Variants in NEK5 observed in about 807,000 individuals in gnomAD.
NEK5 encodes the protein NIMA related kinase 5.
A neutral mutation model predicts 109.2 loss-of-function variants in NEK5; 88 were observed. The observed-to-expected ratio is 0.81, with a 90% CI of 0.68 to 0.96. The LOEUF (loss-of-function observed/expected upper bound fraction) is 0.96. Ranked by LOEUF, NEK5 falls within the 40% of genes least tolerant of loss-of-function variation. The pLI is 0.00. For missense variants in NEK5, 834 were observed against 920.7 expected, an observed-to-expected ratio of 0.91 and a Z score of 1.22; for synonymous variants, 283 against 299.9, an observed-to-expected ratio of 0.94 and a Z score of 0.58.
Position 52,102,133 on chromosome 13 carries a change from G to T in NEK5, c.769C>A (p.Pro257Thr). 2.5e-6 allele frequency: 4 copies of T among 1,613,954 alleles called. No homozygotes were observed. The highest frequency in any genetic ancestry group is 1.1e-5 in the South Asian group (1 of 91,078). ...TTGGGAATAAGATTCTCTAAAAAGGGCCTTTTCAAAATGGAATTTATGGAT... is the reference window on the plus strand; with the variant it reads ...TTGGGAATAAGATTCTCTAAAAAGGTCCTTTTCAAAATGGAATTTATGGAT... ...RPSINSILKRPFLENLIPKYL... is the reference protein window; with the variant it reads ...RPSINSILKRTFLENLIPKYL... Residue 257 changes from proline to threonine, a missense_variant, in exon 10 of 24, where the codon CCC becomes ACC. By Grantham distance (38) the Pro-to-Thr change is conservative (BLOSUM62 -1). Transcript: ENST00000684899.
chr13:52,109,106 T>C (rs1300051350), intron 7 of NEK5, among the ~76,000 whole-genome samples: 2 of 152,226 alleles, frequency 1.3e-5, no homozygotes, highest in African/African-American at 2.4e-5. Flanking sequence ...TGCCACCAAA[T>C]TGTCTTCCAA....
chr13:52,089,340 A>C (rs1955227135), intron 13 of NEK5, 27 bp from the exon 14 acceptor site: 1 of 1,495,902 alleles, frequency 6.7e-7, no homozygotes, highest in East Asian at 2.3e-5. Flanking sequence ...GTTCAGCTTA[A>C]GTAGAAACTT....
intron 17 of NEK5, among the ~76,000 whole-genome samples, chr13:52,080,496 T>G (rs919764847): frequency 6.6e-6 from 1 of 152,196 alleles, no homozygotes; most frequent in Non-Finnish European, 1.5e-5. Flanking sequence ...GGTTGCCGTG[T>G]CTGTGTAGAA....
intron 3 of NEK5, 131 bp downstream of exon 3, chr13:52,127,235 G>C: frequency 1.7e-6 from 1 of 603,414 alleles, no homozygotes; most frequent in Non-Finnish European, 2.9e-6. Context: ...GACTTAGGAG[G>C]TTGAATTAAC....
intron 4 of NEK5, among the ~76,000 whole-genome samples, chr13:52,116,325 T>G (rs1336130706): frequency 6.6e-6 from 1 of 152,218 alleles, no homozygotes. Context: ...ATATTTTCTT[T>G]TTTATGTGTG....
chr13:52,089,759 G>A (rs1955237142), intron 13 of NEK5, among the ~76,000 whole-genome samples: 3 of 152,042 alleles, frequency 2.0e-5, no homozygotes, highest in Admixed American at 2.0e-4. Flanking sequence ...AGGCCGAGGT[G>A]GGTGGATCAC....
intron 12 of NEK5, among the ~76,000 whole-genome samples, chr13:52,096,576 C>T (rs186420271): frequency 2.6e-5 from 4 of 152,212 alleles, no homozygotes; most frequent in East Asian, 3.9e-4. Flanking sequence ...TGATTTAGGG[C>T]GTCTGACAGA....
At chr13:52,067,455 G>T (rs1005914673) in intron 20 of NEK5, among the ~76,000 whole-genome samples, 3 of 152,154 alleles carry the variant, frequency 2.0e-5, no homozygotes, top group African/African-American at 7.2e-5. Flanking sequence ...AGATAAGGGA[G>T]CAAAGTCCAA....
rs796566972 is a variant in NEK5, at chr13:52,042,047, C to A, written c.2229-4829G>T. Among the ~76,000 whole-genome samples the A allele has an allele frequency of 4.6e-5, 7 of 151,894 alleles. No homozygotes were observed. In the South Asian group the frequency reaches 1.2e-3, roughly 27 times the overall value. ...AAAGTATCAGGGAGAAAGTTAGCAT[C>A]CCTATAAAGGAAAAATAATGAGATG... On this transcript the variant is annotated intron_variant, in intron 23 of 23. Coordinates refer to ENST00000684899, the MANE Select transcript of NEK5 (RefSeq NM_001365552.1).
Position 52,076,328 on chromosome 13 carries a change from C to T in NEK5, c.1573-185G>A, listed in dbSNP as rs965299948. On this transcript the variant is annotated intron_variant, in intron 17 of 23. Coordinates refer to ENST00000684899, the MANE Select transcript of NEK5 (RefSeq NM_001365552.1). ...AATATTAATACATTTAACACTTGCA[C>T]TTCAGTGGGTGGAATTCTATAATGT... 2.0e-5 allele frequency among the ~76,000 whole-genome samples: 3 copies of T among 152,124 alleles called. No homozygotes were observed. In the South Asian group the frequency reaches 6.2e-4, roughly 32 times the overall value.
At chr13:52,045,130 CT>C (rs374051509) in intron 23 of NEK5, among the ~76,000 whole-genome samples, 63 of 108,718 alleles carry the variant, frequency 5.8e-4, no homozygotes, top group East Asian at 8.2e-4. Flanking sequence ...AATAAAAAAT[CT>C]TTTTTTTTTT....
At position 52,065,467 on chromosome 13, in the gene NEK5, G is replaced by A. The variant is rs1332934046; in HGVS notation, c.1975+17C>T. 9.3e-6 allele frequency: 15 copies of A among 1,614,054 alleles called. No individual in the cohort carries two copies. The highest frequency in any genetic ancestry group is 1.7e-5 in the Admixed American group (1 of 60,024). On this transcript the variant is annotated intron_variant, in intron 21 of 23. Transcript: ENST00000684899. ...TGGTCTTCCCTTCCTGACGACTGAC[G>A]CTAAGCACAGACTCACTGTCAGGCC... is the stretch of plus-strand genomic sequence containing the variant.
intron 12 of NEK5, among the ~76,000 whole-genome samples, chr13:52,095,240 T>C (rs1261794288): frequency 1.3e-5 from 2 of 152,156 alleles, no homozygotes; most frequent in East Asian, 3.8e-4. Flanking sequence ...TGCCTATTTT[T>C]AAAATCTTTT....
intron 23 of NEK5, among the ~76,000 whole-genome samples, chr13:52,045,581 A>ACAT (rs1954451059): frequency 2.9e-5 from 4 of 139,708 alleles, no homozygotes; most frequent in South Asian, 2.3e-4. Flanking sequence ...CTGGCTAACA[A>ACAT]GGTGAAACCC....
chr13:52,102,238 C>T lies in NEK5; in HGVS notation c.664G>A (p.Ala222Thr). The T allele has an allele frequency of 6.2e-7, 1 of 1,614,044 alleles. No individual in the cohort carries two copies. Among genetic ancestry groups the T allele is most frequent in the Non-Finnish European group, 8.5e-7 (1 of 1,179,926 alleles). Residue 222 changes from alanine to threonine, a missense_variant, in exon 10 of 24, where the codon GCC becomes ACC. Physicochemically the swap from Ala to Thr is moderately conservative, Grantham distance 58. Around this residue, in one of 2 missense-constraint regions of NEK5, gnomAD observed 777 missense variants for 824.7 expected, o/e 0.94. Transcript: ENST00000684899. ...LVLKICQAHF[A>T]PISPGFSREL... ...CGAGAAAACCCCGGAGATATTGGGG[C>T]AAAATGTGCTTGACAAATCTTCAGA...
chr13:52,072,557 C>T (rs1445647925), intron 19 of NEK5, among the ~76,000 whole-genome samples: 1 of 152,170 alleles, frequency 6.6e-6, no homozygotes, highest in East Asian at 1.9e-4. Flanking sequence ...AGCAGGGCAA[C>T]GTCAGCACCT....
chr13:52,116,252 G>A (rs555744434), intron 4 of NEK5, among the ~76,000 whole-genome samples: 2 of 151,430 alleles, frequency 1.3e-5, no homozygotes, highest in South Asian at 2.1e-4. Flanking sequence ...TGTAGACCCG[G>A]CAGGCTTAAT....
At chr13:52,084,762 A>T (rs9535857) in intron 16 of NEK5, among the ~76,000 whole-genome samples, 4,007 of 47,416 alleles carry the variant, frequency 0.085, 120 homozygotes, top group East Asian at 0.12. Flanking sequence ...AGAGAGAGAG[A>T]GTGTGTGTGT....
Position 52,035,213 on chromosome 13 carries a change from C to A in NEK5, c.*1735G>T, listed in dbSNP as rs971579319. The A allele has an allele frequency of 2.0e-5, 3 of 152,116 alleles. No homozygotes were observed. The highest frequency in any genetic ancestry group is 7.2e-5 in the African/African-American group (3 of 41,396). 9.4% of individuals were successfully genotyped at this position (152,116 alleles called of 1,614,324 possible). A position where few individuals can be genotyped will look rare whatever the true frequency, so the allele number is the denominator to read the frequency against. ...TAAAAGAGTAGACTGTAACTCTACA[C>A]CAAGTTGAAAGAACAGTCTGTCAAA... On this transcript the variant is annotated 3_prime_UTR_variant, in exon 24 of 24. Transcript: ENST00000684899.
Sources: gnomAD v4.1 joint callset for allele counts (sites outside exome capture counted in the v4.1 genomes callset) on GRCh38, gnomAD v4.1.1 for gene constraint, gnomAD v4.1.1 regional missense constraint, MANE v1.5 for transcripts, NCBI Gene and HGNC (gene_info 2026-07-23, HGNC 2026-07-21) for gene names.